NUP62CL: variants seen among roughly 807,000 people sequenced by gnomAD.
The protein encoded by NUP62CL is nucleoporin-62 C-terminal-like protein.
In NUP62CL, 13 loss-of-function variants were observed where a neutral mutation model predicts 15.3. That is an observed-to-expected ratio of 0.85 (90% CI 0.55 to 1.35). The LOEUF (loss-of-function observed/expected upper bound fraction) is 1.35. Ranked by LOEUF, NUP62CL falls within the 40% of genes most tolerant of loss-of-function variation. The pLI is 0.00. For synonymous variants in NUP62CL, 54 were observed against 49.2 expected, an observed-to-expected ratio of 1.10 and a Z score of -0.41; for missense variants, 123 against 130.6, an observed-to-expected ratio of 0.94 and a Z score of 0.28.
intron 4 of NUP62CL, among the ~76,000 whole-genome samples, chrX:107,165,457 A>G (rs1274169867): frequency 9.0e-6 from 1 of 111,677 alleles, no homozygotes; most frequent in Non-Finnish European, 1.9e-5. Context: ...AGAAAACAGA[A>G]TACTTTCCAG....
chrX:107,131,878 G>A (rs764233224), intron 8 of NUP62CL: 2 of 1,004,307 alleles, frequency 2.0e-6, no homozygotes, highest in African/African-American at 3.8e-5. Flanking sequence ...TGTTGAACAT[G>A]CTGATACAGA....
chrX:107,164,542 TAAAC>T (rs1177973764), intron 4 of NUP62CL, among the ~76,000 whole-genome samples: 1 of 111,302 alleles, frequency 9.0e-6, no homozygotes, highest in Non-Finnish European at 1.9e-5. Context: ...AATGATTAAT[TAAAC>T]AAAAGCTGGC....
intron 2 of NUP62CL, among the ~76,000 whole-genome samples, chrX:107,182,977 C>G (rs1169369894): frequency 9.0e-6 from 1 of 111,208 alleles, no homozygotes; most frequent in Non-Finnish European, 1.9e-5. Context: ...GAGGGAGGAT[C>G]ATTTGAGGCC....
At chrX:107,195,625 G>A (rs890399543) in intron 1 of NUP62CL, among the ~76,000 whole-genome samples, 9 of 111,998 alleles carry the variant, frequency 8.0e-5, no homozygotes, top group African/African-American at 2.9e-4. Flanking sequence ...GAGTAACTCT[G>A]AAGGACAACA....
At chrX:107,125,022 C>T (rs1925355298) in intron 8 of NUP62CL, among the ~76,000 whole-genome samples, 2 of 111,583 alleles carry the variant, frequency 1.8e-5, no homozygotes, top group South Asian at 7.5e-4. Context: ...ATACAGTTGA[C>T]TCTTGGAAAA....
rs1296345577 is a variant in NUP62CL, at chrX:107,157,167, G to A, written c.195-2921C>T. ...CTACGTCTGATTGGTGTACCTGAAAGTGATGGGGAGAATGCAACCAAGTTG... is the reference window on the plus strand; with the variant it reads ...CTACGTCTGATTGGTGTACCTGAAAATGATGGGGAGAATGCAACCAAGTTG... On this transcript the variant is annotated intron_variant, in intron 4 of 8. Transcript: ENST00000372466. Among the ~76,000 whole-genome samples, 37 of 110,393 alleles carry A rather than the reference G, an allele frequency of 3.4e-4. 1 individual carries two copies.
chrX:107,192,301 G>C (rs1217760082), intron 2 of NUP62CL, among the ~76,000 whole-genome samples: 1 of 112,389 alleles, frequency 8.9e-6, no homozygotes, highest in Non-Finnish European at 1.9e-5. Context: ...CCACAGTACA[G>C]AATTCAGTGT....
chrX:107,192,656 C>A (rs1212351558), intron 2 of NUP62CL, among the ~76,000 whole-genome samples: 2 of 112,270 alleles, frequency 1.8e-5, no homozygotes, highest in Admixed American at 9.4e-5. Flanking sequence ...GCTGGGATTA[C>A]AAGCGCGAAC....
intron 4 of NUP62CL, among the ~76,000 whole-genome samples, chrX:107,166,029 C>A (rs909778765): frequency 4.5e-5 from 5 of 111,289 alleles, no homozygotes; most frequent in African/African-American, 6.5e-5. Context: ...ACACTAAAAG[C>A]ACAATTCATT....
rs1004051735 is a variant in NUP62CL, at chrX:107,178,935, T to TA, written c.-47-3743dup. Among the ~76,000 whole-genome samples the TA allele has an allele frequency of 3.1e-3, 319 of 104,014 alleles. 4 individuals carry two copies. Among genetic ancestry groups the TA allele is most frequent in the African/African-American group, 9.5e-3 (271 of 28,609 alleles). 90.3% of individuals were successfully genotyped at this position (104,014 alleles called of 115,157 possible). A position where few individuals can be genotyped will look rare whatever the true frequency, so the allele number is the denominator to read the frequency against. ...GGTGAAACCCCGTCTCTACTAAAAA[T>TA]AAAAAAAAAATGAGCTGGGTGTGGT... On this transcript the variant is annotated intron_variant, in intron 2 of 8. Transcript: ENST00000372466.
In NUP62CL at chrX:107,175,166, G is replaced by A. The variant is rs751218173; in HGVS notation, c.-20C>T. ...CTGCATGGTGCTTGAACTAGTGGTGGTGGCAACAGCAGCTGCTGGAGCCAA... is the reference window on the plus strand; with the variant it reads ...CTGCATGGTGCTTGAACTAGTGGTGATGGCAACAGCAGCTGCTGGAGCCAA... On this transcript the variant is annotated 5_prime_UTR_variant, in exon 3 of 9. Transcript: ENST00000372466. The A allele has an allele frequency of 1.7e-6, 2 of 1,150,068 alleles. No individual in the cohort carries two copies. The highest frequency in any genetic ancestry group is 4.1e-5 in the South Asian group (2 of 48,980). The allele number at this position is 1,150,068 out of a possible 1,213,427, so 94.8% of individuals were successfully genotyped here. A position where few individuals can be genotyped will look rare whatever the true frequency, so the allele number is the denominator to read the frequency against.
chrX:107,176,597 A>G (rs1206016499), intron 2 of NUP62CL, among the ~76,000 whole-genome samples: 2 of 109,243 alleles, frequency 1.8e-5, no homozygotes, highest in East Asian at 5.7e-4. Flanking sequence ...AATGTTCTCA[A>G]ATTACATAGT....
rs1346857824 is a variant in NUP62CL at position 107,187,100 on chromosome X, T to C, written c.-48+5929A>G. Among the ~76,000 whole-genome samples the C allele has an allele frequency of 2.7e-5, 3 of 111,368 alleles. No homozygotes were observed. The East Asian group carries it at 8.4e-4, about 31-fold the overall frequency. On this transcript the variant is annotated intron_variant, in intron 2 of 8. Coordinates refer to ENST00000372466, the MANE Select transcript of NUP62CL (RefSeq NM_017681.3). ...AAACTGAACACTTCTAAATAATACATGGGTCAGAGAGGAAGTCTCAAGAGA... is the reference window on the plus strand; with the variant it reads ...AAACTGAACACTTCTAAATAATACACGGGTCAGAGAGGAAGTCTCAAGAGA...
chrX:107,127,923 T>C (rs1193850014), intron 8 of NUP62CL, among the ~76,000 whole-genome samples: 1 of 112,148 alleles, frequency 8.9e-6, no homozygotes, highest in Non-Finnish European at 1.9e-5. Context: ...AGGAAAATAT[T>C]ATTTTAACTT....
chrX:107,133,711 G>A (rs952485666), intron 8 of NUP62CL, among the ~76,000 whole-genome samples: 5 of 112,378 alleles, frequency 4.4e-5, no homozygotes, highest in East Asian at 2.8e-4. Context: ...GAGGCGAGGC[G>A]GGTGGATCAC....
At chrX:107,148,001 A>G (rs967458941) in intron 7 of NUP62CL, among the ~76,000 whole-genome samples, 192 bp from the exon 8 acceptor site, 6 of 111,487 alleles carry the variant, frequency 5.4e-5, no homozygotes, top group African/African-American at 2.0e-4. Flanking sequence ...TATTGGTTCA[A>G]TTTAATTATT....
At chrX:107,194,887 G>A (rs1927328254) in intron 1 of NUP62CL, among the ~76,000 whole-genome samples, 1 of 93,592 alleles carries the variant, frequency 1.1e-5, no homozygotes, top group African/African-American at 4.1e-5. Flanking sequence ...CACAATCTCA[G>A]CTCACTGTAA....
intron 8 of NUP62CL, chrX:107,131,654 CG>C: frequency 1.7e-6 from 1 of 592,842 alleles, no homozygotes. Context: ...GGCCGACTAG[CG>C]GGATCTGGAG....
intron 4 of NUP62CL, among the ~76,000 whole-genome samples, chrX:107,161,345 C>A (rs1215712453): frequency 1.0e-5 from 1 of 99,374 alleles, no homozygotes; most frequent in Non-Finnish European, 2.0e-5. Flanking sequence ...ATGTTTATTG[C>A]GGCATTATTC....
Sources: gnomAD v4.1 joint callset for allele counts (sites outside exome capture counted in the v4.1 genomes callset) on GRCh38, gnomAD v4.1.1 for gene constraint, MANE v1.5 for transcripts, NCBI Gene and HGNC (gene_info 2026-07-23, HGNC 2026-07-21) for gene names.